Variants in RPRD2 observed in about 807,000 individuals in gnomAD.
RPRD2 encodes regulation of nuclear pre-mRNA domain-containing protein 2.
In RPRD2, 12 loss-of-function variants were observed where a neutral mutation model predicts 104.4. The ratio of observed to expected loss-of-function variants is 0.11; its 90% CI spans 0.07 to 0.19. RPRD2 has a LOEUF of 0.19. Among genes scored for constraint, RPRD2 ranks in the 10% least tolerant of loss-of-function variants. The pLI is 1.00. For missense variants in RPRD2, 1,543 were observed against 1,790.1 expected, an observed-to-expected ratio of 0.86 and a Z score of 2.49; for synonymous variants, 714 against 684.9, an observed-to-expected ratio of 1.04 and a Z score of -0.66.
Position 150,472,818 on chromosome 1 carries a change from T to C in RPRD2, c.3870T>C (p.Ser1290=). The C allele has an allele frequency of 6.2e-7, 1 of 1,610,214 alleles. No homozygotes were observed. The highest frequency in any genetic ancestry group is 8.5e-7 in the Non-Finnish European group (1 of 1,177,356). Residue 1290 remains serine, a synonymous_variant, in exon 11 of 11, where the codon TCT becomes TCC. Coordinates refer to ENST00000369068, the MANE Select transcript of RPRD2 (RefSeq NM_015203.5). ...SSSGGSGVPF[S]TPPPPPPPVD... is the part of the protein sequence containing the mutation. ...GTGGTGGGAGTGGTGTCCCCTTTTC[T>C]ACTCCACCCCCTCCTCCACCCCCTG...
At chr1:150,470,233 C>A (rs777519391) in intron 10 of RPRD2, among the ~76,000 whole-genome samples, 2 of 152,060 alleles carry the variant, frequency 1.3e-5, no homozygotes, top group Non-Finnish European at 2.9e-5. Flanking sequence ...AACTTTGCCT[C>A]CTTTCTTTTC....
chr1:150,423,180 A>G (rs1664879497), intron 2 of RPRD2, among the ~76,000 whole-genome samples: 1 of 152,232 alleles, frequency 6.6e-6, no homozygotes. Flanking sequence ...ATACATCACC[A>G]TGAGACCGGA....
At position 150,476,290 on chromosome 1, in the gene RPRD2, G is replaced by C. The variant is rs1043293; in HGVS notation, c.*2956G>C. On this transcript the variant is annotated 3_prime_UTR_variant, in exon 11 of 11. Transcript: ENST00000369068. ...AATACGATAAACTTCCTAATGGCAG[G>C]ATATTCACTCTCAATCCTGAAGTTA... 33,815 of 152,080 alleles carry C rather than the reference G, an allele frequency of 0.22. 4,275 individuals carry two copies. The highest frequency in any genetic ancestry group is 0.32 in the African/African-American group (13,353 of 41,482). 9.4% of individuals were successfully genotyped at this position (152,080 alleles called of 1,614,324 possible). A position where few individuals can be genotyped will look rare whatever the true frequency, so the allele number is the denominator to read the frequency against.
intron 1 of RPRD2, among the ~76,000 whole-genome samples, chr1:150,406,308 A>T (rs193006079): frequency 6.6e-6 from 1 of 152,166 alleles, no homozygotes; most frequent in African/African-American, 2.4e-5. Context: ...ATATACCCCC[A>T]TGTTAAGGAG....
intron 2 of RPRD2, among the ~76,000 whole-genome samples, chr1:150,438,501 C>T (rs587742671): frequency 2.0e-5 from 3 of 151,668 alleles, no homozygotes; most frequent in South Asian, 4.2e-4. Context: ...TGGTGGCAGG[C>T]GCCTATAATC....
chr1:150,424,482 T>C (rs587620574), intron 2 of RPRD2, among the ~76,000 whole-genome samples: 1 of 152,144 alleles, frequency 6.6e-6, no homozygotes, highest in Non-Finnish European at 1.5e-5. Context: ...GAGACAGGGT[T>C]TCACCATGTT....
intron 9 of RPRD2, among the ~76,000 whole-genome samples, chr1:150,462,569 A>G (rs1668010463): frequency 6.6e-6 from 1 of 151,632 alleles, no homozygotes; most frequent in Admixed American, 6.6e-5. Context: ...TTATTTATTT[A>G]TTTTGAGACA....
chr1:150,415,048 G>A (rs782623296), intron 1 of RPRD2, among the ~76,000 whole-genome samples: 3 of 152,098 alleles, frequency 2.0e-5, no homozygotes, highest in Admixed American at 6.6e-5. Context: ...TAAGAGGTCG[G>A]GTGCGGTGGC....
chr1:150,414,520 G>A (rs782478663), intron 1 of RPRD2, among the ~76,000 whole-genome samples: 4 of 152,102 alleles, frequency 2.6e-5, no homozygotes, highest in Non-Finnish European at 5.9e-5. Flanking sequence ...GGATGATCAC[G>A]GCCAGACTGG....
intron 1 of RPRD2, among the ~76,000 whole-genome samples, chr1:150,384,164 CAT>C (rs753155340): frequency 1.1e-4 from 17 of 152,186 alleles, no homozygotes; most frequent in Non-Finnish European, 2.1e-4. Context: ...TTAGCCATCT[CAT>C]GTGACTATTG....
At chr1:150,447,291 C>T (rs1456649354) in intron 7 of RPRD2, among the ~76,000 whole-genome samples, 3 of 151,030 alleles carry the variant, frequency 2.0e-5, no homozygotes, top group African/African-American at 7.3e-5. Context: ...TGGATGGAAA[C>T]ATCCTGTTAC....
intron 7 of RPRD2, among the ~76,000 whole-genome samples, chr1:150,456,925 CAA>C (rs11352805): frequency 1.4e-5 from 2 of 138,344 alleles, no homozygotes; most frequent in Admixed American, 7.5e-5. Flanking sequence ...AATTCCTTCT[CAA>C]AAAAAAAAAG....
intron 1 of RPRD2, among the ~76,000 whole-genome samples, chr1:150,403,831 G>T (rs782303361): frequency 3.3e-5 from 5 of 151,770 alleles, no homozygotes; most frequent in African/African-American, 1.2e-4. Context: ...ATGGGATTTC[G>T]CCCGGTTGCC....
At chr1:150,449,938 C>T (rs956818565) in intron 7 of RPRD2, among the ~76,000 whole-genome samples, 3 of 151,692 alleles carry the variant, frequency 2.0e-5, no homozygotes, top group Non-Finnish European at 4.4e-5. Context: ...TTTTATAGTC[C>T]TTTCTGAATT....
intron 5 of RPRD2, 103 bp from the exon 6 acceptor site, chr1:150,444,148 G>GTTTGT (rs771139817): frequency 6.3e-4 from 735 of 1,173,384 alleles, no homozygotes; most frequent in African/African-American, 2.6e-3. Context: ...GCTTTAGGGT[G>GTTTGT]TTTGTTTTGT....
intron 1 of RPRD2, among the ~76,000 whole-genome samples, chr1:150,403,549 A>G (rs782565923): frequency 6.6e-6 from 1 of 152,224 alleles, no homozygotes; most frequent in Non-Finnish European, 1.5e-5. Flanking sequence ...TTTCCATAAC[A>G]TAATGACTTT....
intron 1 of RPRD2, among the ~76,000 whole-genome samples, chr1:150,372,848 G>T (rs77207799): frequency 0.023 from 3,533 of 152,200 alleles, 71 homozygotes; most frequent in Non-Finnish European, 0.037. Flanking sequence ...GACTGGAAAG[G>T]AGTTGTTAAA....
At chr1:150,419,858 C>T (rs1230967809) in intron 2 of RPRD2, among the ~76,000 whole-genome samples, 4 of 152,142 alleles carry the variant, frequency 2.6e-5, no homozygotes, top group African/African-American at 7.2e-5. Context: ...GAACTCCTGA[C>T]CTCAGGTGAT....
At chr1:150,412,265 T>C (rs1663997765) in intron 1 of RPRD2, among the ~76,000 whole-genome samples, 1 of 152,194 alleles carries the variant, frequency 6.6e-6, no homozygotes, top group South Asian at 2.1e-4. Flanking sequence ...CCACTGCCTT[T>C]AAGCATTTTC....
Sources: allele counts gnomAD v4.1 joint callset (sites outside exome capture counted in the v4.1 genomes callset), GRCh38; gene constraint gnomAD v4.1.1; transcripts MANE v1.5; gene names NCBI Gene and HGNC (gene_info 2026-07-23, HGNC 2026-07-21).